Variants in ACAD9 observed in about 807,000 individuals in gnomAD.
ACAD9 encodes acyl-CoA dehydrogenase family member 9, also known as complex I assembly factor ACAD9, mitochondrial.
In ACAD9, 53 loss-of-function variants were observed where a neutral mutation model predicts 70.2. That is an observed-to-expected ratio of 0.75 (90% CI 0.61 to 0.95). The LOEUF (loss-of-function observed/expected upper bound fraction) is 0.95, where lower values mean the gene tolerates loss of function less well. Among genes scored for constraint, ACAD9 ranks in the 40% least tolerant of loss-of-function variants. The pLI is 0.00. For missense variants in ACAD9, 777 were observed against 802.8 expected (o/e 0.97, Z 0.39); for synonymous variants, 313 against 312.1 (o/e 1.00, Z -0.03).
chr3:128,884,563 G>A (rs1935189000), intron 1 of ACAD9, 90 bp from the exon 2 acceptor site: 1 of 929,114 alleles, frequency 1.1e-6, no homozygotes, highest in Non-Finnish European at 1.7e-6. Context: ...GTGGAGTGGA[G>A]CACATGTTTT....
At chr3:128,898,482 T>C (rs1257037283) in intron 6 of ACAD9, 8 of 442,664 alleles carry the variant, frequency 1.8e-5, no homozygotes, top group Non-Finnish European at 3.6e-5. Context: ...CTTGGCTCAC[T>C]GCAGCCTCAA....
chr3:128,907,223 G>C (rs914055930), intron 12 of ACAD9, among the ~76,000 whole-genome samples: 1 of 152,138 alleles, frequency 6.6e-6, no homozygotes, highest in Non-Finnish European at 1.5e-5. Flanking sequence ...GTCCTGCCCA[G>C]TGGGAGGCCT....
At chr3:128,890,595 G>A (rs981562352) in intron 2 of ACAD9, among the ~76,000 whole-genome samples, 8 of 151,792 alleles carry the variant, frequency 5.3e-5, no homozygotes, top group Non-Finnish European at 5.9e-5. Context: ...CCAGCTACTC[G>A]GGAGGCTGAG....
intron 1 of ACAD9, chr3:128,880,217 TCC>T (rs1359693706): frequency 6.7e-4 from 264 of 391,554 alleles, no homozygotes; most frequent in African/African-American, 5.2e-3. Context: ...TCAGTCACCT[TCC>T]AGCGCCCTGG....
rs1382836866 is a variant in ACAD9, at chr3:128,904,381, T to A, written c.1030-5T>A. The A allele has an allele frequency of 1.9e-6, 3 of 1,614,138 alleles. No individual in the cohort carries two copies. The highest frequency in any genetic ancestry group is 3.3e-5 in the Admixed American group (2 of 60,014). Reference sequence around the variant, plus strand: ...TGTTTCTTGTGTTTTTTCTGAACACTCCAGGAGAAATTTGCACTGATGGCT... The same window carrying A: ...TGTTTCTTGTGTTTTTTCTGAACACACCAGGAGAAATTTGCACTGATGGCT... On this transcript the variant is annotated splice_polypyrimidine_tract_variant and splice_region_variant and intron_variant, in intron 10 of 17. Coordinates refer to ENST00000308982, the MANE Select transcript of ACAD9 (RefSeq NM_014049.5).
chr3:128,885,927 G>A (rs190082100), intron 2 of ACAD9, among the ~76,000 whole-genome samples: 1 of 151,670 alleles, frequency 6.6e-6, no homozygotes, highest in Non-Finnish European at 1.5e-5. Flanking sequence ...TGAAGCAGGC[G>A]AATTGCTTGA....
In ACAD9 at chr3:128,910,626, C is replaced by T. The variant is rs1469927758; in HGVS notation, c.1693-115C>T. 2.6e-6 allele frequency: 3 copies of T among 1,142,028 alleles called. No homozygotes were observed. The African/African-American group carries it at 4.6e-5, about 17-fold the overall frequency. The allele number at this position is 1,142,028 out of a possible 1,614,324, so 70.7% of individuals were successfully genotyped here. On this transcript the variant is annotated intron_variant, in intron 16 of 17. Transcript: ENST00000308982. ...ACCCAAGACGGGGTGACTCCTGTGCCAGGCCTTGTGACCCCTGCCATGCTA... is the reference window on the plus strand; with the variant it reads ...ACCCAAGACGGGGTGACTCCTGTGCTAGGCCTTGTGACCCCTGCCATGCTA...
chr3:128,909,072 C>T lies in ACAD9; in HGVS notation c.1458C>T (p.Asn486=). ...CTGTGGACCTGGGGCTGACAGGCAA[C>T]CATGGAGTTGTGCACCCCAGTCTTG... ...GRTVDLGLTG[N]HGVVHPSLAD... is the part of the protein sequence containing the mutation. Residue 486 remains asparagine (N), a synonymous_variant, in exon 14 of 18, where the codon AAC becomes AAT. Transcript: ENST00000308982. 6.2e-7 allele frequency: 1 copy of T among 1,614,070 alleles called. No individual in the cohort carries two copies.
At chr3:128,892,705 A>G (rs1935457630) in intron 2 of ACAD9, among the ~76,000 whole-genome samples, 1 of 152,196 alleles carries the variant, frequency 6.6e-6, no homozygotes, top group African/African-American at 2.4e-5. Context: ...AATTGGTGTT[A>G]AACAGGCTAA....
In ACAD9 at chr3:128,902,697, C is replaced by G; in HGVS notation, c.958+69C>G. On this transcript the variant is annotated intron_variant, in intron 9 of 17. Coordinates refer to ENST00000308982, the MANE Select transcript of ACAD9 (RefSeq NM_014049.5). The surrounding 1 kb of genome is among the most constrained non-coding windows in gnomAD (Gnocchi z 4.0). ...TGCCCCGGCTCCAACCCTGGAGGCT[C>G]TGCCATTCCCCCGGCCCCTTCCAGG... The G allele has an allele frequency of 6.5e-7, 1 of 1,535,840 alleles. No homozygotes were observed. The highest frequency in any genetic ancestry group is 8.9e-7 in the Non-Finnish European group (1 of 1,119,160).
In ACAD9 at chr3:128,879,622, C is replaced by T. The variant is rs1015389949; in HGVS notation, c.-70C>T. 15 of 1,555,812 alleles carry T rather than the reference C, an allele frequency of 9.6e-6. No homozygotes were observed. The highest frequency in any genetic ancestry group is 9.1e-5 in the African/African-American group (5 of 55,182). On this transcript the variant is annotated 5_prime_UTR_variant, in exon 1 of 18. Transcript: ENST00000308982. ...CGTTGTCGCGGGCCAGTAACGTCAT[C>T]AGACGTGTGTGTGTCCCTGCGGCGC...
At chr3:128,904,316 C>A in intron 10 of ACAD9, 70 bp from the exon 11 acceptor site, 1 of 1,613,416 alleles carries the variant, frequency 6.2e-7, no homozygotes. Context: ...TAATTACTTT[C>A]TCTCCTGTTT....
chr3:128,902,514 TCCTTCAGGGCC>T lies in ACAD9; in HGVS notation c.883-35_883-25del. 6.2e-7 allele frequency: 1 copy of T among 1,612,260 alleles called. No homozygotes were observed. Among genetic ancestry groups the T allele is most frequent in the African/African-American group, 1.3e-5 (1 of 75,028 alleles). On this transcript the variant is annotated intron_variant, in intron 8 of 17. Coordinates refer to ENST00000308982, the MANE Select transcript of ACAD9 (RefSeq NM_014049.5). This position sits in a 1 kb window ranked among gnomAD's most constrained non-coding sequence, Gnocchi z 4.0. ...TTCGTTGCGGCCTCCTCCCTCTGCC[TCCTTCAGGGCC>T]CCTGGGCTCTCCCTGTTCTCCCTGC...
chr3:128,911,965 T>C (rs1936375535), intron 17 of ACAD9, among the ~76,000 whole-genome samples: 1 of 152,238 alleles, frequency 6.6e-6, no homozygotes, highest in African/African-American at 2.4e-5. Context: ...CTATAGCCAC[T>C]CGACCATATC....
chr3:128,908,345 G>A lies in ACAD9; in HGVS notation c.1358+81G>A, dbSNP rs147879371. ...CAGTCCAGGGCAGTGGGAGGAAAGA[G>A]CTGCCTTGACCTGGAGTGGGGGCAT... On this transcript the variant is annotated intron_variant, in intron 13 of 17. Coordinates refer to ENST00000308982, the MANE Select transcript of ACAD9 (RefSeq NM_014049.5). 1.3e-4 allele frequency: 194 copies of A among 1,533,328 alleles called. 1 individual carries two copies. In the East Asian group the frequency reaches 4.4e-3, roughly 34 times the overall value. The allele number at this position is 1,533,328 out of a possible 1,614,324, so 95.0% of individuals were successfully genotyped here. A position where few individuals can be genotyped will look rare whatever the true frequency, so the allele number is the denominator to read the frequency against.
rs181961164 is a variant in ACAD9, at chr3:128,909,657, A to G, written c.1563+236A>G. ...TGCAGTGTTTTTCTGTGCACCTTTCAGGTAGAGAGGCTCCCTAGAATCGGG... is the reference window on the plus strand; with the variant it reads ...TGCAGTGTTTTTCTGTGCACCTTTCGGGTAGAGAGGCTCCCTAGAATCGGG... On this transcript the variant is annotated intron_variant, in intron 15 of 17. Transcript: ENST00000308982. 4.9e-6 allele frequency: 3 copies of G among 609,714 alleles called. No individual in the cohort carries two copies. In the Admixed American group the frequency reaches 8.8e-5, roughly 18 times the overall value. 37.8% of individuals were successfully genotyped at this position (609,714 alleles called of 1,614,324 possible).
chr3:128,909,385 C>G lies in ACAD9; in HGVS notation c.1527C>G (p.Gly509=), dbSNP rs1936039355. 1.2e-6 allele frequency: 2 copies of G among 1,614,070 alleles called. No individual in the cohort carries two copies. The highest frequency in any genetic ancestry group is 1.7e-6 in the Non-Finnish European group (2 of 1,180,050). Residue 509 remains glycine, a synonymous_variant, in exon 15 of 18, where the codon GGC becomes GGG. Coordinates refer to ENST00000308982, the MANE Select transcript of ACAD9 (RefSeq NM_014049.5). ...NKFEENTYCF[G]RTVETLLLRF... ...TTGAGGAGAACACCTACTGCTTCGG[C>G]CGGACCGTGGAGACACTGCTGCTCC...
In ACAD9 at chr3:128,897,389, C is replaced by T. The variant is rs141020516; in HGVS notation, c.555-243C>T. ...TAGAGACGGGGTTTCACCATGTTGG[C>T]CAGATCTCAATCTCTTGACCTCGTG... On this transcript the variant is annotated intron_variant, in intron 5 of 17. Transcript: ENST00000308982. Among the ~76,000 whole-genome samples the T allele has an allele frequency of 2.0e-5, 3 of 152,254 alleles. No homozygotes were observed. The East Asian group carries it at 5.8e-4, about 29-fold the overall frequency.
At position 128,902,661 on chromosome 3, in the gene ACAD9, C is replaced by T. The variant is rs1412001815; in HGVS notation, c.958+33C>T. The T allele has an allele frequency of 1.9e-6, 3 of 1,609,798 alleles. No individual in the cohort carries two copies. On this transcript the variant is annotated intron_variant, in intron 9 of 17. Coordinates refer to ENST00000308982, the MANE Select transcript of ACAD9 (RefSeq NM_014049.5). This position sits in a 1 kb window ranked among gnomAD's most constrained non-coding sequence, Gnocchi z 4.0. ...AGTTAGGGACAAGGCCCTTTGTGCC[C>T]CACCCCCTGCTGCCCCGGCTCCAAC...
Sources: gnomAD v4.1 joint callset for allele counts (sites outside exome capture counted in the v4.1 genomes callset) on GRCh38, gnomAD v4.1.1 for gene constraint, Gnocchi (gnomAD v3.1) non-coding constraint, MANE v1.5 for transcripts, NCBI Gene and HGNC (gene_info 2026-07-23, HGNC 2026-07-21) for gene names.